Variants in LRRTM4 observed in about 807,000 individuals in gnomAD.
The protein encoded by LRRTM4 is leucine-rich repeat transmembrane neuronal protein 4.
In LRRTM4, 25 loss-of-function variants were observed where a neutral mutation model predicts 47.6. The observed-to-expected ratio is 0.53, with a 90% CI of 0.38 to 0.73. The LOEUF (loss-of-function observed/expected upper bound fraction) is 0.73. Among genes scored for constraint, LRRTM4 ranks in the 30% least tolerant of loss-of-function variants. The pLI is 0.00. For synonymous variants in LRRTM4, 311 were observed against 269.5 expected, an observed-to-expected ratio of 1.15 and a Z score of -1.51; for missense variants, 638 against 713.4, an observed-to-expected ratio of 0.89 and a Z score of 1.20.
chr2:76,824,059 A>G (rs1251332846), intron 3 of LRRTM4, among the ~76,000 whole-genome samples: 3 of 151,580 alleles, frequency 2.0e-5, no homozygotes, highest in Non-Finnish European at 3.0e-5. Flanking sequence ...TCTGATTCTT[A>G]TCTTTCATTG....
intron 3 of LRRTM4, among the ~76,000 whole-genome samples, chr2:77,079,621 T>C (rs969974052): frequency 6.6e-6 from 1 of 152,178 alleles, no homozygotes; most frequent in Non-Finnish European, 1.5e-5. Context: ...AACCAAAAGA[T>C]TGGATACCCC....
chr2:77,176,069 A>C (rs1263527982), intron 3 of LRRTM4, among the ~76,000 whole-genome samples: 5 of 151,886 alleles, frequency 3.3e-5, no homozygotes, highest in Non-Finnish European at 7.4e-5. Context: ...CATTATATTT[A>C]AGTTCTTTCG....
chr2:76,918,759 C>T (rs1674336619), intron 3 of LRRTM4, among the ~76,000 whole-genome samples: 1 of 152,168 alleles, frequency 6.6e-6, no homozygotes, highest in South Asian at 2.1e-4. Context: ...TGCAGCTAAG[C>T]GTGGCCCAGG....
At chr2:77,003,722 G>C (rs549601163) in intron 3 of LRRTM4, among the ~76,000 whole-genome samples, 221 of 152,216 alleles carry the variant, frequency 1.5e-3, no homozygotes, top group Admixed American at 3.9e-3. Flanking sequence ...CTGGGTAGTG[G>C]GACACTGCTG....
At chr2:77,079,456 T>C (rs1680458976) in intron 3 of LRRTM4, among the ~76,000 whole-genome samples, 1 of 152,214 alleles carries the variant, frequency 6.6e-6, no homozygotes, top group Non-Finnish European at 1.5e-5. Context: ...TACAAGCTTG[T>C]GGCCAAGGAC....
chr2:77,170,196 G>T (rs1174575941), intron 3 of LRRTM4, among the ~76,000 whole-genome samples: 1 of 151,776 alleles, frequency 6.6e-6, no homozygotes, highest in Admixed American at 6.6e-5. Flanking sequence ...AATCATGTGA[G>T]TCCTTAAGAG....
chr2:76,944,492 G>C (rs1280720394), intron 3 of LRRTM4, among the ~76,000 whole-genome samples: 1 of 152,042 alleles, frequency 6.6e-6, no homozygotes, highest in Non-Finnish European at 1.5e-5. Context: ...TACCTGATAA[G>C]TATTAGTTAC....
At chr2:77,070,360 A>G (rs1680110152) in intron 3 of LRRTM4, among the ~76,000 whole-genome samples, 1 of 152,120 alleles carries the variant, frequency 6.6e-6, no homozygotes, top group Non-Finnish European at 1.5e-5. Context: ...ATTGAGAGAC[A>G]AATTTTCAGA....
intron 3 of LRRTM4, among the ~76,000 whole-genome samples, chr2:76,805,929 T>C (rs1007222219): frequency 6.6e-6 from 1 of 152,154 alleles, no homozygotes; most frequent in African/African-American, 2.4e-5. Context: ...TCTCTATCTC[T>C]GTTATTGTGG....
chr2:77,474,591 A>T (rs1461211780), intron 3 of LRRTM4, among the ~76,000 whole-genome samples: 1 of 152,144 alleles, frequency 6.6e-6, no homozygotes, highest in Non-Finnish European at 1.5e-5. Flanking sequence ...AATTCAAATA[A>T]GTGTTATAGG....
At chr2:77,238,063 C>T (rs1474482506) in intron 3 of LRRTM4, among the ~76,000 whole-genome samples, 1 of 151,982 alleles carries the variant, frequency 6.6e-6, no homozygotes, top group Non-Finnish European at 1.5e-5. Context: ...CAAGTCTGAA[C>T]ATCTAATAAA....
chr2:76,760,333 C>T (rs1443867712), intron 3 of LRRTM4, among the ~76,000 whole-genome samples: 1 of 152,022 alleles, frequency 6.6e-6, no homozygotes, highest in Non-Finnish European at 1.5e-5. Context: ...ATATGGAATA[C>T]AAAGATAAGC....
chr2:77,116,832 A>C (rs1019213049), intron 3 of LRRTM4, among the ~76,000 whole-genome samples: 1 of 152,118 alleles, frequency 6.6e-6, no homozygotes, highest in East Asian at 1.9e-4. Flanking sequence ...GTCCATTTCA[A>C]GTAAGAAGTG....
chr2:77,281,088 A>G (rs978608391), intron 3 of LRRTM4, among the ~76,000 whole-genome samples: 1 of 151,950 alleles, frequency 6.6e-6, no homozygotes, highest in Non-Finnish European at 1.5e-5. Context: ...TCAGGTACTG[A>G]CTAATAAGTT....
intron 3 of LRRTM4, among the ~76,000 whole-genome samples, chr2:76,848,497 G>A (rs968420458): frequency 2.6e-5 from 4 of 151,904 alleles, no homozygotes; most frequent in Non-Finnish European, 4.4e-5. Context: ...TTTCAAATTC[G>A]TACTTTGTTC....
At chr2:77,175,065 TTC>T (rs1365596068) in intron 3 of LRRTM4, among the ~76,000 whole-genome samples, 6 of 110,346 alleles carry the variant, frequency 5.4e-5, no homozygotes, top group African/African-American at 2.1e-4. Flanking sequence ...TTTTCTTTAT[TTC>T]TTTTTTCTTT....
At chr2:77,409,018 A>G (rs1032601255) in intron 3 of LRRTM4, among the ~76,000 whole-genome samples, 5 of 152,182 alleles carry the variant, frequency 3.3e-5, no homozygotes, top group African/African-American at 1.2e-4. Flanking sequence ...TTATGCAAGT[A>G]ACATTCTTCC....
Position 77,284,823 on chromosome 2 carries a change from T to C in LRRTM4, c.1551+233495A>G, listed in dbSNP as rs1452617921. ...ATCAAAGGAAAGTGTATGTTGATAA[T>C]CTCAACAACAGTCCTTGAAGTCTGC... On this transcript the variant is annotated intron_variant, in intron 3 of 3. Coordinates refer to ENST00000409884, the MANE Select transcript of LRRTM4 (RefSeq NM_001134745.3). Among the ~76,000 whole-genome samples the C allele has an allele frequency of 3.3e-5, 5 of 152,130 alleles. No individual in the cohort carries two copies. In the East Asian group the frequency reaches 9.7e-4, roughly 29 times the overall value.
At chr2:77,366,085 T>C (rs1361080810) in intron 3 of LRRTM4, among the ~76,000 whole-genome samples, 1 of 151,636 alleles carries the variant, frequency 6.6e-6, no homozygotes, top group African/African-American at 2.4e-5. Context: ...TAAACATCAA[T>C]GAATATAATG....
Sources: gnomAD v4.1 joint callset for allele counts (sites outside exome capture counted in the v4.1 genomes callset) on GRCh38, gnomAD v4.1.1 for gene constraint, MANE v1.5 for transcripts, NCBI Gene and HGNC (gene_info 2026-07-23, HGNC 2026-07-21) for gene names.